CRADD: variants seen among roughly 807,000 people sequenced by gnomAD.
CRADD encodes the protein CARD and death domain containing adaptor protein, also known as death domain-containing protein CRADD.
CRADD carries 9 observed loss-of-function variants against 15.5 expected under a neutral mutation model. The observed-to-expected ratio is 0.58, with a 90% CI of 0.35 to 1.01. The LOEUF is 1.01. Ranked by LOEUF, CRADD falls within the 50% of genes least tolerant of loss-of-function variation. The pLI, the probability that CRADD is intolerant of heterozygous loss-of-function variation, is 0.02. For missense variants in CRADD, 227 were observed against 250.3 expected (o/e 0.91, Z 0.63); for synonymous variants, 118 against 107.6 (o/e 1.10, Z -0.60).
chr12:93,847,904 G>T (rs1399489143), intron 2 of CRADD, among the ~76,000 whole-genome samples: 1 of 152,104 alleles, frequency 6.6e-6, no homozygotes. Flanking sequence ...ACTTGTAACC[G>T]CTGGTCAGAA....
In CRADD at chr12:93,822,834, G is replaced by T. The variant is rs1006979901; in HGVS notation, c.299-27136G>T. ...TAATTAGAGTATTGTATCAGCAAGA[G>T]AAATATTTTTCTCTAGACATAGATA... On this transcript the variant is annotated intron_variant, in intron 2 of 2. Coordinates refer to ENST00000332896, the MANE Select transcript of CRADD (RefSeq NM_003805.5). Among the ~76,000 whole-genome samples, 5 of 152,266 alleles carry T rather than the reference G, an allele frequency of 3.3e-5. No individual in the cohort carries two copies. The East Asian group carries it at 7.7e-4, about 23-fold the overall frequency.
intron 2 of CRADD, among the ~76,000 whole-genome samples, chr12:93,721,619 A>G (rs1448130863): frequency 6.6e-6 from 1 of 152,252 alleles, no homozygotes; most frequent in African/African-American, 2.4e-5. Flanking sequence ...ACAATACAGT[A>G]TAACAACTAT....
chr12:93,704,153 A>G (rs1005053777), intron 2 of CRADD, among the ~76,000 whole-genome samples: 33 of 151,898 alleles, frequency 2.2e-4, no homozygotes, highest in Non-Finnish European at 4.1e-4. Context: ...AATTAATAAT[A>G]GCAAAACTGG....
At chr12:93,729,750 A>G (rs1270527226) in intron 2 of CRADD, among the ~76,000 whole-genome samples, 2 of 150,706 alleles carry the variant, frequency 1.3e-5, no homozygotes, top group African/African-American at 4.9e-5. Context: ...GCGCCAGTGC[A>G]CTTCAGCCTG....
At chr12:93,701,295 GACACACACACACAC>G (rs55986038) in intron 2 of CRADD, among the ~76,000 whole-genome samples, 3 of 143,352 alleles carry the variant, frequency 2.1e-5, no homozygotes, top group African/African-American at 5.2e-5. Context: ...CTCTCTCTGT[GACACACACACACAC>G]ACACACACAC....
intron 2 of CRADD, among the ~76,000 whole-genome samples, chr12:93,690,395 A>G (rs1028165393): frequency 2.6e-5 from 4 of 152,240 alleles, no homozygotes; most frequent in African/African-American, 9.6e-5. Context: ...CCTCTTCTTC[A>G]TACAGCAAGG....
At chr12:93,718,496 A>G (rs1333876468) in intron 2 of CRADD, among the ~76,000 whole-genome samples, 3 of 152,156 alleles carry the variant, frequency 2.0e-5, no homozygotes, top group African/African-American at 7.2e-5. Flanking sequence ...TGACTTTTGT[A>G]TATTAAACTT....
intron 2 of CRADD, among the ~76,000 whole-genome samples, chr12:93,773,835 T>TTTTTA (rs1957112350): frequency 1.4e-5 from 2 of 147,372 alleles, no homozygotes; most frequent in African/African-American, 5.0e-5. Context: ...TTTTTTTTTT[T>TTTTTA]GAGACAGGGT....
intron 2 of CRADD, among the ~76,000 whole-genome samples, chr12:93,886,995 T>C (rs914428186): frequency 3.3e-5 from 5 of 152,112 alleles, no homozygotes; most frequent in African/African-American, 1.2e-4. Context: ...AAAGCTGAAG[T>C]TCAAGGAAGT....
intron 2 of CRADD, among the ~76,000 whole-genome samples, chr12:93,863,069 A>T (rs904107032): frequency 9.9e-5 from 15 of 152,148 alleles, no homozygotes; most frequent in African/African-American, 3.6e-4. Context: ...ATGATTAATA[A>T]ATCTGTCACA....
At chr12:93,825,886 T>C (rs1565928791) in intron 2 of CRADD, among the ~76,000 whole-genome samples, 1 of 152,244 alleles carries the variant, frequency 6.6e-6, no homozygotes, top group African/African-American at 2.4e-5. Flanking sequence ...GATGGTTTTG[T>C]CTTCCCCATT....
intron 2 of CRADD, among the ~76,000 whole-genome samples, chr12:93,888,534 G>A (rs929934520): frequency 1.1e-4 from 16 of 152,136 alleles, no homozygotes; most frequent in African/African-American, 3.6e-4. Flanking sequence ...AAGGGTTTAA[G>A]CATGAGGATA....
At chr12:93,808,860 T>C (rs557078801) in intron 2 of CRADD, among the ~76,000 whole-genome samples, 15 of 152,328 alleles carry the variant, frequency 9.8e-5, no homozygotes, top group Admixed American at 9.2e-4. Context: ...ATCTCAAGCA[T>C]AGAATCTTTG....
Position 93,791,152 on chromosome 12 carries a change from G to T in CRADD, c.299-58818G>T, listed in dbSNP as rs368664523. Among the ~76,000 whole-genome samples, 13 of 152,218 alleles carry T rather than the reference G, an allele frequency of 8.5e-5. No homozygotes were observed. The East Asian group carries it at 1.5e-3, about 18-fold the overall frequency. On this transcript the variant is annotated intron_variant, in intron 2 of 2. Transcript: ENST00000332896. ...AAAAATGGAACTATCGTATGATCAA[G>T]CAATCTCACTACTGAGTATATATCC...
intron 2 of CRADD, among the ~76,000 whole-genome samples, chr12:93,809,199 C>G (rs907645672): frequency 4.6e-5 from 7 of 152,134 alleles, no homozygotes; most frequent in African/African-American, 1.7e-4. Context: ...CAGGTGTGAG[C>G]CACTGTGCCC....
chr12:93,857,974 T>C (rs1472609975), intron 2 of CRADD, among the ~76,000 whole-genome samples: 2 of 152,242 alleles, frequency 1.3e-5, no homozygotes, highest in Admixed American at 1.3e-4. Flanking sequence ...TGTCCAACCA[T>C]CTGCTTGAAT....
At chr12:93,887,562 C>T (rs1958546763) in intron 2 of CRADD, among the ~76,000 whole-genome samples, 1 of 152,198 alleles carries the variant, frequency 6.6e-6, no homozygotes, top group Non-Finnish European at 1.5e-5. Context: ...GAGAAGTTAG[C>T]AAATCGCCAA....
intron 2 of CRADD, among the ~76,000 whole-genome samples, chr12:93,792,820 T>C (rs754891248): frequency 6.6e-6 from 1 of 152,218 alleles, no homozygotes; most frequent in Non-Finnish European, 1.5e-5. Context: ...ACCTGCACTC[T>C]CTAGATCCCA....
intron 2 of CRADD, among the ~76,000 whole-genome samples, chr12:93,773,115 A>G (rs1467786941): frequency 6.6e-6 from 1 of 152,216 alleles, no homozygotes; most frequent in Non-Finnish European, 1.5e-5. Context: ...TTTACCAGTC[A>G]GGTTGTTAAG....
Sources: gnomAD v4.1 joint callset for allele counts (sites outside exome capture counted in the v4.1 genomes callset) on GRCh38, gnomAD v4.1.1 for gene constraint, MANE v1.5 for transcripts, NCBI Gene and HGNC (gene_info 2026-07-23, HGNC 2026-07-21) for gene names.